The following LINGO2 variants were observed in gnomAD, a reference collection of about 807,000 sequenced individuals.
LINGO2 encodes leucine rich repeat and Ig domain containing 2.
A neutral mutation model predicts 30.6 loss-of-function variants in LINGO2; 14 were observed. That is an observed-to-expected ratio of 0.46 (90% CI 0.30 to 0.72). The LOEUF is 0.72. Ranked by LOEUF, LINGO2 falls within the 30% of genes least tolerant of loss-of-function variation. The probability of loss-of-function intolerance (pLI) is 0.07; values close to 1 mark genes in which losing one functional copy is unlikely to be tolerated. For missense variants in LINGO2, 729 were observed against 751.7 expected (o/e 0.97, Z 0.35); for synonymous variants, 317 against 288.5 (o/e 1.10, Z -1.00).
chr9:28,663,735 AG>A (rs1195568597), intron 1 of LINGO2, among the ~76,000 whole-genome samples: 1 of 152,226 alleles, frequency 6.6e-6, no homozygotes, highest in East Asian at 1.9e-4. Flanking sequence ...CCATTTAAAA[AG>A]GTTATTTTTA....
At chr9:28,873,226 C>T in the LINGO2 span, among the ~76,000 whole-genome samples, 1 of 151,282 alleles carries the variant, frequency 6.6e-6, no homozygotes, top group Non-Finnish European at 1.5e-5. Flanking sequence ...AAAAATTAGT[C>T]AGGAGTGGTG....
intron 4 of LINGO2, among the ~76,000 whole-genome samples, chr9:28,228,748 G>A (rs1821256258): frequency 6.6e-6 from 1 of 151,300 alleles, no homozygotes; most frequent in Non-Finnish European, 1.5e-5. Flanking sequence ...AACTAAATGG[G>A]TCAAAATTAT....
chr9:28,879,451 A>G, the LINGO2 span, among the ~76,000 whole-genome samples: 3 of 152,126 alleles, frequency 2.0e-5, no homozygotes, highest in Non-Finnish European at 4.4e-5. Flanking sequence ...GACACAAAAC[A>G]CCTCATTAAA....
At chr9:28,436,065 T>G (rs1823908903) in intron 2 of LINGO2, among the ~76,000 whole-genome samples, 2 of 152,194 alleles carry the variant, frequency 1.3e-5, no homozygotes, top group Admixed American at 1.3e-4. Context: ...ATTAATAGTC[T>G]TTCTTTCTGT....
chr9:28,199,344 C>CTTCTTCT (rs74180792), intron 4 of LINGO2, among the ~76,000 whole-genome samples: 3,576 of 117,630 alleles, frequency 0.03, 187 homozygotes, highest in South Asian at 0.093. Flanking sequence ...TCTTCTTCTT[C>CTTCTTCT]TTTTTTTTTT....
At chr9:28,996,304 A>C in the LINGO2 span, among the ~76,000 whole-genome samples, 2 of 152,156 alleles carry the variant, frequency 1.3e-5, no homozygotes, top group Non-Finnish European at 2.9e-5. Context: ...ATATTGTGTC[A>C]CTGTGGGCTG....
the LINGO2 span, among the ~76,000 whole-genome samples, chr9:29,181,318 C>G: frequency 1.3e-5 from 2 of 152,128 alleles, no homozygotes; most frequent in Non-Finnish European, 2.9e-5. Flanking sequence ...AGTAGACATT[C>G]TAACACAAAG....
intron 4 of LINGO2, among the ~76,000 whole-genome samples, chr9:28,151,590 T>G (rs566603441): frequency 5.1e-4 from 77 of 151,934 alleles, no homozygotes; most frequent in African/African-American, 1.8e-3. Context: ...ACGAATATAA[T>G]TAGAAAATAG....
chr9:27,982,237 A>G (rs1014120104), intron 5 of LINGO2, among the ~76,000 whole-genome samples: 17 of 151,830 alleles, frequency 1.1e-4, no homozygotes, highest in African/African-American at 4.1e-4. Context: ...CCCCAAATGG[A>G]TGGTCAGATG....
chr9:28,479,875 G>GTATGTGTGTGTGTGTGTA (rs34009463), intron 1 of LINGO2, among the ~76,000 whole-genome samples: 10 of 118,500 alleles, frequency 8.4e-5, no homozygotes, highest in South Asian at 5.7e-4. Context: ...GTGTGTGTGT[G>GTATGTGTGTGTGTGTGTA]TGTGTGTGTA....
chr9:29,092,760 G>C, the LINGO2 span, among the ~76,000 whole-genome samples: 45 of 136,260 alleles, frequency 3.3e-4, 8 homozygotes, highest in African/African-American at 1.2e-3. Flanking sequence ...GACAACAAAG[G>C]GATATTTAAT....
chr9:28,382,574 A>G (rs529253036), intron 2 of LINGO2, among the ~76,000 whole-genome samples: 3 of 152,204 alleles, frequency 2.0e-5, no homozygotes, highest in South Asian at 2.1e-4. Flanking sequence ...CTTGAATCTC[A>G]TGGGGGGCCA....
At chr9:28,489,511 T>A (rs1172851562) in intron 1 of LINGO2, among the ~76,000 whole-genome samples, 1 of 152,092 alleles carries the variant, frequency 6.6e-6, no homozygotes, top group Non-Finnish European at 1.5e-5. Flanking sequence ...GGGCTTGTTC[T>A]TTGAGGATAG....
At chr9:29,044,328 CTAAT>C in the LINGO2 span, among the ~76,000 whole-genome samples, 1 of 151,872 alleles carries the variant, frequency 6.6e-6, no homozygotes. Context: ...CTCCTTTGTT[CTAAT>C]TAATTATTTT....
chr9:28,876,119 A>G, the LINGO2 span, among the ~76,000 whole-genome samples: 2 of 152,104 alleles, frequency 1.3e-5, no homozygotes. Context: ...AGTCAGTGGC[A>G]TTGCTACTCT....
downstream of LINGO2, among the ~76,000 whole-genome samples, chr9:27,947,889 A>G (rs1395912426): frequency 3.3e-5 from 5 of 152,268 alleles, no homozygotes; most frequent in East Asian, 9.6e-4. Flanking sequence ...TCCATTTTCT[A>G]TTAACCCGCT....
At chr9:27,949,732 G>C in exon 6 of LINGO2, 1 of 1,614,152 alleles carries the variant, frequency 6.2e-7, no homozygotes. Flanking sequence ...AAGGAGTGAG[G>C]CTCAATGGTG....
At chr9:28,684,695 T>A in the LINGO2 span, among the ~76,000 whole-genome samples, 1 of 151,714 alleles carries the variant, frequency 6.6e-6, no homozygotes, top group Non-Finnish European at 1.5e-5. Flanking sequence ...AATTTTGTAT[T>A]TTTAGTAGAG....
chr9:28,746,268 G>C, the LINGO2 span, among the ~76,000 whole-genome samples: 2 of 151,826 alleles, frequency 1.3e-5, no homozygotes, highest in African/African-American at 2.4e-5. Flanking sequence ...TTAGGTAACA[G>C]CTATTCTTTA....
Sources: gnomAD v4.1 joint callset for allele counts (sites outside exome capture counted in the v4.1 genomes callset) on GRCh38, gnomAD v4.1.1 for gene constraint, MANE v1.5 for transcripts, NCBI Gene and HGNC (gene_info 2026-07-23, HGNC 2026-07-21) for gene names.